Variants in CAMKMT observed in about 807,000 individuals in gnomAD.
CAMKMT encodes the protein calmodulin-lysine N-methyltransferase, also known as CaM KMT.
Under a neutral mutation model 48.0 loss-of-function variants are expected in CAMKMT, and 53 were observed. The observed-to-expected ratio is 1.10, with a 90% CI of 0.89 to 1.39. The LOEUF (loss-of-function observed/expected upper bound fraction) is 1.39, where lower values mean the gene tolerates loss of function less well. Ranked by LOEUF, CAMKMT falls within the 40% of genes most tolerant of loss-of-function variation. The pLI, the probability that CAMKMT is intolerant of heterozygous loss-of-function variation, is 0.00. For missense variants in CAMKMT, 428 were observed against 402.7 expected (o/e 1.06, Z -0.54); for synonymous variants, 165 against 152.3 (o/e 1.08, Z -0.61).
chr2:44,691,312 AACTG>A (rs1425129141), intron 3 of CAMKMT, among the ~76,000 whole-genome samples: 1 of 152,256 alleles, frequency 6.6e-6, no homozygotes, highest in East Asian at 1.9e-4. Context: ...TCTGCTGGAA[AACTG>A]ACTATCAGCC....
At chr2:44,616,901 C>T (rs1278531666) in intron 3 of CAMKMT, among the ~76,000 whole-genome samples, 1 of 152,046 alleles carries the variant, frequency 6.6e-6, no homozygotes, top group Non-Finnish European at 1.5e-5. Context: ...AAGCACAAAA[C>T]TGAGGAGATA....
rs1160583963 is a variant in CAMKMT, at chr2:44,630,664, T to C, written c.377-73619T>C. Among the ~76,000 whole-genome samples the C allele has an allele frequency of 2.6e-3, 388 of 151,730 alleles. 1 individual carries two copies. Among genetic ancestry groups the C allele is most frequent in the African/African-American group, 8.8e-3 (363 of 41,276 alleles). On this transcript the variant is annotated intron_variant, in intron 3 of 10. Transcript: ENST00000378494. ...TGAAAAAATGCTCACCATCACTGGC[T>C]ATCAGAGAAATGCAAATCAAAACCA...
intron 3 of CAMKMT, among the ~76,000 whole-genome samples, chr2:44,488,762 G>A (rs895485122): frequency 9.2e-5 from 14 of 151,726 alleles, no homozygotes; most frequent in African/African-American, 3.4e-4. Context: ...GTGATGTTCA[G>A]TTGCATTGTT....
chr2:44,768,770 G>A (rs1271904594), intron 10 of CAMKMT, among the ~76,000 whole-genome samples: 1 of 152,170 alleles, frequency 6.6e-6, no homozygotes, highest in East Asian at 1.9e-4. Flanking sequence ...CATCTTGAGC[G>A]GCAATCAGCT....
rs933728599 is a variant in CAMKMT at position 44,362,901 on chromosome 2, T to G, written c.138+756T>G. Among the ~76,000 whole-genome samples the G allele has an allele frequency of 3.3e-5, 5 of 152,236 alleles. No homozygotes were observed. The East Asian group carries it at 9.6e-4, about 29-fold the overall frequency. Reference sequence around the variant, plus strand: ...CACATTCTTCGCTCACTTCTTGAAGTGAAGTCTGGTTATTGTTTTTGCATA... The same window carrying G: ...CACATTCTTCGCTCACTTCTTGAAGGGAAGTCTGGTTATTGTTTTTGCATA... On this transcript the variant is annotated intron_variant, in intron 1 of 10. Transcript: ENST00000378494.
At chr2:44,418,127 G>C (rs553002977) in intron 3 of CAMKMT, among the ~76,000 whole-genome samples, 1 of 151,680 alleles carries the variant, frequency 6.6e-6, no homozygotes, top group South Asian at 2.1e-4. Context: ...GGGAGGCAGA[G>C]GTTGCAGTGA....
At position 44,397,951 on chromosome 2, in the gene CAMKMT, C is replaced by G. The variant is rs76273044; in HGVS notation, c.376+7646C>G. 1.2e-3 allele frequency among the ~76,000 whole-genome samples: 176 copies of G among 152,276 alleles called. 1 individual carries two copies. Among genetic ancestry groups the G allele is most frequent in the Non-Finnish European group, 2.0e-3 (134 of 68,014 alleles). On this transcript the variant is annotated intron_variant, in intron 3 of 10. Coordinates refer to ENST00000378494, the MANE Select transcript of CAMKMT (RefSeq NM_024766.5). ...GCTAGTTTCTCCCTCTTTTAAATAT[C>G]TAAAGGGATGTTTCTAATTTAGGTA... is the stretch of plus-strand genomic sequence containing the variant.
At chr2:44,690,532 T>A (rs943477748) in intron 3 of CAMKMT, among the ~76,000 whole-genome samples, 1 of 152,204 alleles carries the variant, frequency 6.6e-6, no homozygotes, top group Non-Finnish European at 1.5e-5. Flanking sequence ...CTATTCTGTT[T>A]ATGCTGTATT....
At chr2:44,678,308 C>T (rs911856322) in intron 3 of CAMKMT, among the ~76,000 whole-genome samples, 4 of 152,164 alleles carry the variant, frequency 2.6e-5, no homozygotes, top group African/African-American at 9.7e-5. Flanking sequence ...GGTGCTAGTT[C>T]TTCATCTTGT....
chr2:44,482,859 A>G (rs911684783), intron 3 of CAMKMT, among the ~76,000 whole-genome samples: 3 of 152,148 alleles, frequency 2.0e-5, no homozygotes, highest in African/African-American at 4.8e-5. Flanking sequence ...CTCTCTCTTC[A>G]TGGAATCCAT....
chr2:44,587,995 G>C (rs1035048041), intron 3 of CAMKMT, among the ~76,000 whole-genome samples: 3 of 136,828 alleles, frequency 2.2e-5, no homozygotes, highest in African/African-American at 8.1e-5. Context: ...AAAGTGAGGA[G>C]CGTCTCTGCC....
chr2:44,411,032 A>G (rs1002971221), intron 3 of CAMKMT, among the ~76,000 whole-genome samples: 6 of 152,212 alleles, frequency 3.9e-5, no homozygotes, highest in African/African-American at 1.4e-4. Context: ...TTGAATACCC[A>G]TCTTGAGTGT....
intron 8 of CAMKMT, among the ~76,000 whole-genome samples, chr2:44,748,990 T>C (rs1680036082): frequency 1.3e-5 from 2 of 152,216 alleles, no homozygotes; most frequent in Non-Finnish European, 2.9e-5. Flanking sequence ...TAGCACTTAA[T>C]TTACATACAT....
At chr2:44,624,156 T>C (rs1164426331) in intron 3 of CAMKMT, among the ~76,000 whole-genome samples, 1 of 152,172 alleles carries the variant, frequency 6.6e-6, no homozygotes, top group African/African-American at 2.4e-5. Context: ...GAAAAATGAA[T>C]ACTGTTGATA....
intron 3 of CAMKMT, among the ~76,000 whole-genome samples, chr2:44,502,198 A>T (rs752568675): frequency 2.2e-4 from 34 of 152,030 alleles, no homozygotes; most frequent in Non-Finnish European, 4.0e-4. Context: ...TCCAGCCTGG[A>T]CAACAGAGTT....
intron 3 of CAMKMT, among the ~76,000 whole-genome samples, chr2:44,655,793 A>G (rs1470579230): frequency 1.3e-5 from 2 of 152,144 alleles, no homozygotes; most frequent in Non-Finnish European, 2.9e-5. Flanking sequence ...TGATGACATT[A>G]TGGTTTTCAT....
intron 2 of CAMKMT, among the ~76,000 whole-genome samples, chr2:44,379,946 A>G (rs1193546975): frequency 6.6e-6 from 1 of 151,960 alleles, no homozygotes; most frequent in Non-Finnish European, 1.5e-5. Flanking sequence ...CTTTCTTGAT[A>G]TGTAGTATCT....
At chr2:44,633,733 A>G (rs1016986820) in intron 3 of CAMKMT, among the ~76,000 whole-genome samples, 3 of 152,058 alleles carry the variant, frequency 2.0e-5, no homozygotes, top group Admixed American at 2.0e-4. Flanking sequence ...GTCACTTCTG[A>G]GTCCACTTCT....
At position 44,644,697 on chromosome 2, in the gene CAMKMT, G is replaced by A. The variant is rs546380859; in HGVS notation, c.377-59586G>A. 1.1e-4 allele frequency among the ~76,000 whole-genome samples: 16 copies of A among 152,136 alleles called. No homozygotes were observed. In the East Asian group the frequency reaches 3.1e-3, roughly 29 times the overall value. On this transcript the variant is annotated intron_variant, in intron 3 of 10. Transcript: ENST00000378494. ...TATTATTCTGTTTTTGGTTAGGTTG[G>A]GTAAAAACTGTTCACTGGTGTCATT...
Sources: gnomAD v4.1 joint callset for allele counts (sites outside exome capture counted in the v4.1 genomes callset) on GRCh38, gnomAD v4.1.1 for gene constraint, MANE v1.5 for transcripts, NCBI Gene and HGNC (gene_info 2026-07-23, HGNC 2026-07-21) for gene names.